Variants in RET observed in about 807,000 individuals in gnomAD.
RET encodes proto-oncogene tyrosine-protein kinase receptor Ret.
RET carries 19 observed loss-of-function variants against 118.3 expected under a neutral mutation model. The ratio of observed to expected loss-of-function variants is 0.16; its 90% CI spans 0.11 to 0.24. The LOEUF is 0.24. Among genes scored for constraint, RET ranks in the 10% least tolerant of loss-of-function variants. The pLI is 1.00. For missense variants in RET, 1,219 were observed against 1,502.1 expected (o/e 0.81, Z 3.12); for synonymous variants, 597 against 644.1 (o/e 0.93, Z 1.11).
chr10:43,119,002 G>A lies in RET; in HGVS notation c.2392+522G>A, dbSNP rs547132831. Among the ~76,000 whole-genome samples, 19 of 152,356 alleles carry A rather than the reference G, an allele frequency of 1.2e-4. 1 individual carries two copies. Among genetic ancestry groups the A allele is most frequent in the Admixed American group, 9.1e-4 (14 of 15,304 alleles). On this transcript the variant is annotated intron_variant, in intron 13 of 19. Coordinates refer to ENST00000355710, the MANE Select transcript of RET (RefSeq NM_020975.6). ...CAGGGGCTTCCCAGCATGCGTGTGT[G>A]GGTGTGTGCGAGAGGGATAGGGAAC...
At chr10:43,081,094 G>A (rs1837169942) in intron 1 of RET, among the ~76,000 whole-genome samples, 1 of 152,112 alleles carries the variant, frequency 6.6e-6, no homozygotes, top group African/African-American at 2.4e-5. Context: ...GGCAAAGCAG[G>A]GTGCAGCCCC....
At chr10:43,097,429 T>C (rs569020185) in intron 1 of RET, among the ~76,000 whole-genome samples, 1 of 152,228 alleles carries the variant, frequency 6.6e-6, no homozygotes, top group East Asian at 1.9e-4. Flanking sequence ...CTGAGCTGCA[T>C]TGCCTCTCCC....
intron 1 of RET, among the ~76,000 whole-genome samples, chr10:43,086,580 G>A (rs1837293000): frequency 6.6e-6 from 1 of 152,222 alleles, no homozygotes; most frequent in Admixed American, 6.5e-5. Flanking sequence ...CTACAGCCCT[G>A]CAGCCAAGGG....
chr10:43,117,179 AC>A (rs1412797555), intron 12 of RET, among the ~76,000 whole-genome samples: 1 of 152,126 alleles, frequency 6.6e-6, no homozygotes, highest in Non-Finnish European at 1.5e-5. Flanking sequence ...ACATGCACCT[AC>A]CCACACAGGC....
chr10:43,122,967 G>A (rs1482628560), intron 16 of RET, among the ~76,000 whole-genome samples: 10 of 152,150 alleles, frequency 6.6e-5, no homozygotes, highest in African/African-American at 1.4e-4. Flanking sequence ...ACAGCTTTCC[G>A]ATTATATAAG....
intron 1 of RET, among the ~76,000 whole-genome samples, chr10:43,100,042 A>G (rs886246647): frequency 2.6e-5 from 4 of 152,200 alleles, no homozygotes; most frequent in Non-Finnish European, 5.9e-5. Context: ...GCAGGGTCAT[A>G]TGGTAGGCGT....
chr10:43,121,863 G>A, intron 15 of RET, 83 bp from the exon 16 acceptor site: 1 of 1,022,714 alleles, frequency 9.8e-7, no homozygotes, highest in African/African-American at 1.6e-5. Context: ...GAAAGCTCAG[G>A]GATAGGGCCT....
intron 4 of RET, among the ~76,000 whole-genome samples, chr10:43,105,828 C>A (rs1389117368): frequency 1.3e-5 from 2 of 152,168 alleles, no homozygotes; most frequent in Non-Finnish European, 2.9e-5. Context: ...TGAGTAAAGG[C>A]TATGTGGGCC....
intron 6 of RET, among the ~76,000 whole-genome samples, chr10:43,110,267 G>C (rs1014331344): frequency 1.3e-5 from 2 of 152,204 alleles, no homozygotes; most frequent in Admixed American, 1.3e-4. Flanking sequence ...CAGCCTCACT[G>C]TGGTCTCACC....
intron 18 of RET, 144 bp downstream of exon 18, chr10:43,125,126 C>T (rs1838303220): frequency 1.2e-6 from 1 of 802,066 alleles, no homozygotes; most frequent in Non-Finnish European, 2.1e-6. Context: ...ATGCTCTCCC[C>T]TGCATGCAGA....
intron 10 of RET, among the ~76,000 whole-genome samples, chr10:43,113,908 AC>A (rs1838002408): frequency 6.6e-6 from 1 of 152,116 alleles, no homozygotes; most frequent in Admixed American, 6.5e-5. Flanking sequence ...CAGTTCTTCC[AC>A]CAAACAACTT....
Position 43,102,585 on chromosome 10 carries a change from A to G in RET, c.581A>G (p.Gln194Arg). Residue 194 changes from glutamine to arginine, a missense_variant, in exon 3 of 20, where the codon CAG becomes CGG. Transcript: ENST00000355710. ...CACCAGTTCCGCCTGCTGCCTGTGCAGTTCTTGTGCCCCAACATCAGCGTG... is the reference window on the plus strand; with the variant it reads ...CACCAGTTCCGCCTGCTGCCTGTGCGGTTCTTGTGCCCCAACATCAGCGTG... ...TFHQFRLLPVQFLCPNISVAY... is the reference protein window; with the variant it reads ...TFHQFRLLPVRFLCPNISVAY... 1 of 1,614,200 alleles carries G rather than the reference A, an allele frequency of 6.2e-7. No homozygotes were observed. Among genetic ancestry groups the G allele is most frequent in the Non-Finnish European group, 8.5e-7 (1 of 1,180,044 alleles).
chr10:43,116,324 C>A (rs759735222), intron 11 of RET, among the ~76,000 whole-genome samples: 4 of 152,200 alleles, frequency 2.6e-5, no homozygotes, highest in Admixed American at 6.5e-5. Context: ...AGACAGTAGA[C>A]CAGGAACCAG....
chr10:43,094,426 T>G (rs1837478419), intron 1 of RET, among the ~76,000 whole-genome samples: 1 of 152,244 alleles, frequency 6.6e-6, no homozygotes, highest in African/African-American at 2.4e-5. Context: ...TGCTTCTAAT[T>G]CATGCAGTTT....
Position 43,106,261 on chromosome 10 carries a change from ACAT to A in RET, c.868-113_868-111del. 2 of 1,052,432 alleles carry A rather than the reference ACAT, an allele frequency of 1.9e-6. No individual in the cohort carries two copies. Among genetic ancestry groups the A allele is most frequent in the Non-Finnish European group, 2.8e-6 (2 of 703,910 alleles). The allele number at this position is 1,052,432 out of a possible 1,614,324, so 65.2% of individuals were successfully genotyped here. On this transcript the variant is annotated intron_variant, in intron 4 of 19. Coordinates refer to ENST00000355710, the MANE Select transcript of RET (RefSeq NM_020975.6). The surrounding 1 kb of genome is among the most constrained non-coding windows in gnomAD (Gnocchi z 5.1). ...TCCCCAGACCTGGCTCTGACAACAC[ACAT>A]CTGGTCCACCTATGGGCTGTGTGGG... is the stretch of plus-strand genomic sequence containing the variant.
chr10:43,082,570 G>A (rs1002640555), intron 1 of RET, among the ~76,000 whole-genome samples: 5 of 151,826 alleles, frequency 3.3e-5, no homozygotes, highest in South Asian at 4.2e-4. Flanking sequence ...TCCCAGATTC[G>A]GGTGCTGCAG....
At chr10:43,103,069 T>G (rs1316285387) in intron 3 of RET, among the ~76,000 whole-genome samples, 1 of 152,164 alleles carries the variant, frequency 6.6e-6, no homozygotes, top group African/African-American at 2.4e-5. Context: ...GCCTAGCCCC[T>G]TGGAGGGCAC....
At chr10:43,111,152 G>A (rs977893356) in intron 6 of RET, 55 bp from the exon 7 acceptor site, 98 of 1,607,914 alleles carry the variant, frequency 6.1e-5, no homozygotes, top group Non-Finnish European at 8.1e-5. Context: ...CTACCCTCAG[G>A]CCATTACAGG....
intron 1 of RET, among the ~76,000 whole-genome samples, chr10:43,096,301 A>G (rs1397734507): frequency 1.3e-5 from 2 of 152,008 alleles, no homozygotes; most frequent in Non-Finnish European, 2.9e-5. Context: ...TGGGAAGCCA[A>G]CCAGCAGGGC....
Sources: allele counts gnomAD v4.1 joint callset (sites outside exome capture counted in the v4.1 genomes callset), GRCh38; gene constraint gnomAD v4.1.1; non-coding constraint Gnocchi (gnomAD v3.1); transcripts MANE v1.5; gene names NCBI Gene and HGNC (gene_info 2026-07-23, HGNC 2026-07-21).